ADGRB3: variants seen among roughly 807,000 people sequenced by gnomAD.
ADGRB3 encodes the protein brain-specific angiogenesis inhibitor 3.
A neutral mutation model predicts 193.4 loss-of-function variants in ADGRB3; 37 were observed. That is an observed-to-expected ratio of 0.19 (90% CI 0.15 to 0.25). The LOEUF is 0.25. Among genes scored for constraint, ADGRB3 ranks in the 10% least tolerant of loss-of-function variants. The probability of loss-of-function intolerance (pLI) is 1.00; values close to 1 mark genes in which losing one functional copy is unlikely to be tolerated. For missense variants in ADGRB3, 1,637 were observed against 1,852.9 expected (o/e 0.88, Z 2.14); for synonymous variants, 690 against 644.2 (o/e 1.07, Z -1.08).
chr6:69,261,295 G>A (rs938527655), intron 20 of ADGRB3, among the ~76,000 whole-genome samples: 2 of 152,088 alleles, frequency 1.3e-5, no homozygotes, highest in East Asian at 1.9e-4. Flanking sequence ...AATGCCATAA[G>A]TTCAGCTTGC....
intron 17 of ADGRB3, among the ~76,000 whole-genome samples, chr6:69,191,106 A>C (rs1012643258): frequency 6.6e-6 from 1 of 152,180 alleles, no homozygotes; most frequent in East Asian, 1.9e-4. Flanking sequence ...ATCCTATCTG[A>C]TCTTCTCAAG....
At chr6:68,973,024 C>T (rs1768633271) in intron 8 of ADGRB3, among the ~76,000 whole-genome samples, 2 of 152,128 alleles carry the variant, frequency 1.3e-5, no homozygotes, top group South Asian at 4.2e-4. Flanking sequence ...CTGCTAAACC[C>T]TCCACCAAGC....
At chr6:69,330,241 TAATTTGTCTAA>T (rs1330015955) in intron 22 of ADGRB3, among the ~76,000 whole-genome samples, 1 of 152,226 alleles carries the variant, frequency 6.6e-6, no homozygotes, top group East Asian at 1.9e-4. Context: ...ATTGCAATAG[TAATTTGTCTAA>T]AATGTTTCAA....
intron 3 of ADGRB3, among the ~76,000 whole-genome samples, chr6:68,874,853 TCA>T (rs1467812065): frequency 6.6e-6 from 1 of 152,150 alleles, no homozygotes; most frequent in East Asian, 1.9e-4. Flanking sequence ...AAATCATGAT[TCA>T]CAGAGTAAAA....
intron 17 of ADGRB3, among the ~76,000 whole-genome samples, chr6:69,211,727 C>T (rs982561485): frequency 1.3e-5 from 2 of 152,044 alleles, no homozygotes; most frequent in Admixed American, 6.6e-5. Context: ...TTCCCAGGAC[C>T]TAAAACTTGA....
chr6:69,161,994 A>G (rs1043666923), intron 17 of ADGRB3, among the ~76,000 whole-genome samples: 2 of 152,124 alleles, frequency 1.3e-5, no homozygotes, highest in African/African-American at 4.8e-5. Context: ...GTCACATTCT[A>G]TTTGGCAGAA....
chr6:69,172,303 C>G lies in ADGRB3; in HGVS notation c.2481-60987C>G, dbSNP rs538929274. On this transcript the variant is annotated intron_variant, in intron 17 of 31. Transcript: ENST00000370598. ...GCAATGACCAATACAGACGAGATCC[C>G]TGCTATCGGGAGACATCTCTCCTAG... 3.9e-5 allele frequency among the ~76,000 whole-genome samples: 6 copies of G among 152,158 alleles called. No homozygotes were observed. The South Asian group carries it at 1.2e-3, about 32-fold the overall frequency.
At position 68,930,635 on chromosome 6, in the gene ADGRB3, A is replaced by G. The variant is rs1190512366; in HGVS notation, c.834A>G (p.Glu278=). The G allele has an allele frequency of 6.2e-7, 1 of 1,612,042 alleles. No homozygotes were observed. The highest frequency in any genetic ancestry group is 2.2e-5 in the East Asian group (1 of 44,756). The part of the protein sequence containing the change: ...RSVHEKRVPQ[E]QADAAKFMAQ... ...TTCATGAAAAAAGGGTCCCTCAGGA[A>G]CAAGCTGATGCTGCTAAATTTATGG... is the stretch of plus-strand genomic sequence containing the variant. Residue 278 remains glutamate (E), a synonymous_variant, in exon 4 of 32, where the codon GAA becomes GAG. Transcript: ENST00000370598.
At chr6:69,099,185 A>C (rs9363982) in intron 17 of ADGRB3, among the ~76,000 whole-genome samples, 4,962 of 152,290 alleles carry the variant, frequency 0.033, 137 homozygotes, top group East Asian at 0.096. Context: ...TCTAACCTAC[A>C]ATGTGTGGTC....
chr6:69,154,999 C>T (rs1302585190), intron 17 of ADGRB3, among the ~76,000 whole-genome samples: 2 of 152,156 alleles, frequency 1.3e-5, no homozygotes, highest in African/African-American at 4.8e-5. Flanking sequence ...AAGTGATAAA[C>T]TGAACAGAGA....
At chr6:69,305,947 C>A (rs1768059125) in intron 20 of ADGRB3, among the ~76,000 whole-genome samples, 1 of 151,342 alleles carries the variant, frequency 6.6e-6, no homozygotes, top group African/African-American at 2.4e-5. Flanking sequence ...TAGGTTGAAT[C>A]CAGGTGAATT....
chr6:69,333,594 G>T (rs532906857), intron 24 of ADGRB3, among the ~76,000 whole-genome samples: 1 of 151,648 alleles, frequency 6.6e-6, no homozygotes, highest in African/African-American at 2.4e-5. Context: ...ATTTAGAAAA[G>T]CATCTCCTTT....
chr6:69,090,474 G>T (rs999859015), intron 17 of ADGRB3, among the ~76,000 whole-genome samples: 2 of 152,138 alleles, frequency 1.3e-5, no homozygotes, highest in Non-Finnish European at 2.9e-5. Flanking sequence ...AACCATAGTG[G>T]ATGAGGACAT....
intron 3 of ADGRB3, among the ~76,000 whole-genome samples, chr6:68,796,632 A>T (rs1316242244): frequency 6.6e-6 from 1 of 152,178 alleles, no homozygotes; most frequent in Non-Finnish European, 1.5e-5. Context: ...TATCTTGGTG[A>T]CAGTGCTAAA....
chr6:69,336,805 A>G (rs373726423), intron 24 of ADGRB3, among the ~76,000 whole-genome samples: 4 of 152,132 alleles, frequency 2.6e-5, no homozygotes, highest in Admixed American at 1.3e-4. Flanking sequence ...TCAATTTAGC[A>G]TCTAGACTAT....
intron 3 of ADGRB3, among the ~76,000 whole-genome samples, chr6:68,721,000 A>G (rs1765565987): frequency 6.6e-6 from 1 of 151,826 alleles, no homozygotes; most frequent in Non-Finnish European, 1.5e-5. Context: ...GGATGTGGAG[A>G]AATAGGAACA....
chr6:68,698,439 A>G (rs1286843089), intron 3 of ADGRB3, among the ~76,000 whole-genome samples: 2 of 152,048 alleles, frequency 1.3e-5, no homozygotes, highest in Non-Finnish European at 2.9e-5. Context: ...GTTTTTCAAA[A>G]TAAATAGGAA....
At chr6:69,042,167 G>A (rs1771092763) in intron 13 of ADGRB3, among the ~76,000 whole-genome samples, 1 of 152,142 alleles carries the variant, frequency 6.6e-6, no homozygotes. Flanking sequence ...TTCCCTTTCT[G>A]CCATGATTGT....
intron 3 of ADGRB3, among the ~76,000 whole-genome samples, chr6:68,862,131 A>G (rs1378004191): frequency 1.4e-5 from 2 of 141,442 alleles, no homozygotes; most frequent in Middle Eastern, 3.4e-3. Flanking sequence ...AGGAGGAGGG[A>G]CCCCCCCCCC....
Sources: allele counts gnomAD v4.1 joint callset (sites outside exome capture counted in the v4.1 genomes callset), GRCh38; gene constraint gnomAD v4.1.1; transcripts MANE v1.5; gene names NCBI Gene and HGNC (gene_info 2026-07-23, HGNC 2026-07-21).